SAMD8: variants seen among roughly 807,000 people sequenced by gnomAD.
SAMD8 encodes the protein sphingomyelin synthase-related protein 1.
SAMD8 carries 20 observed loss-of-function variants against 42.0 expected under a neutral mutation model. The observed-to-expected ratio is 0.48, with a 90% CI of 0.34 to 0.69. The LOEUF (loss-of-function observed/expected upper bound fraction) is 0.69. SAMD8 is among the 30% of genes least tolerant of loss of function. SAMD8 has a pLI of 0.01. For synonymous variants in SAMD8, 162 were observed against 173.0 expected (o/e 0.94, Z 0.50); for missense variants, 328 against 511.6 (o/e 0.64, Z 3.46).
intron 1 of SAMD8, among the ~76,000 whole-genome samples, chr10:75,122,823 C>T (rs12240430): frequency 0.014 from 2,106 of 152,032 alleles, 51 homozygotes; most frequent in African/African-American, 0.048. Flanking sequence ...TGGGTATTTG[C>T]GATAAAAATT....
chr10:75,114,186 AGAATT>A (rs1358598403), intron 1 of SAMD8, among the ~76,000 whole-genome samples: 1 of 152,092 alleles, frequency 6.6e-6, no homozygotes, highest in African/African-American at 2.4e-5. Context: ...TACTATAAAA[AGAATT>A]AATCAGGTGT....
chr10:75,159,298 TC>T (rs1405302539), intron 2 of SAMD8, among the ~76,000 whole-genome samples: 1 of 152,026 alleles, frequency 6.6e-6, no homozygotes, highest in Non-Finnish European at 1.5e-5. Context: ...CCTCAAGAGA[TC>T]CGCTCATCTC....
intron 2 of SAMD8, among the ~76,000 whole-genome samples, chr10:75,155,323 T>C (rs1447903984): frequency 1.3e-5 from 2 of 152,140 alleles, no homozygotes; most frequent in East Asian, 3.8e-4. Flanking sequence ...GTTTGAAATA[T>C]GTTTTGTAGC....
In SAMD8 at chr10:75,150,742, G is replaced by A; in HGVS notation, c.214G>A (p.Val72Ile). ...GGACATTAAAAGGTTAATGCTCTCAGTCCGAAAATTGCAGAAAATACATAT... is the reference window on the plus strand; with the variant it reads ...GGACATTAAAAGGTTAATGCTCTCAATCCGAAAATTGCAGAAAATACATAT... Reference protein sequence around the residue: ...LGDIKRLMLSVRKLQKIHIDV... With the variant: ...LGDIKRLMLSIRKLQKIHIDV... The change falls in exon 2 of 6, where the codon GTC becomes ATC. Residue 72 changes from valine (V) to isoleucine (I), a missense_variant. Physicochemically the swap from Val to Ile is conservative, Grantham distance 29. Coordinates refer to ENST00000542569, the MANE Select transcript of SAMD8 (RefSeq NM_001174156.2). The A allele has an allele frequency of 3.7e-6, 6 of 1,614,188 alleles. No homozygotes were observed. Among genetic ancestry groups the A allele is most frequent in the Non-Finnish European group, 5.1e-6 (6 of 1,180,032 alleles).
chr10:75,112,245 G>A (rs1171951436), intron 1 of SAMD8, among the ~76,000 whole-genome samples: 1 of 152,228 alleles, frequency 6.6e-6, no homozygotes, highest in Non-Finnish European at 1.5e-5. Context: ...GGTGGTGATG[G>A]AGGGCAGGAT....
chr10:75,130,061 T>A (rs1564679444), intron 1 of SAMD8, among the ~76,000 whole-genome samples: 1 of 152,246 alleles, frequency 6.6e-6, no homozygotes, highest in East Asian at 1.9e-4. Context: ...TGTGGTAATG[T>A]GTATTGTACT....
At chr10:75,155,350 G>T (rs897914443) in intron 2 of SAMD8, among the ~76,000 whole-genome samples, 1 of 151,970 alleles carries the variant, frequency 6.6e-6, no homozygotes, top group African/African-American at 2.4e-5. Context: ...AGATGTCAAG[G>T]AAGAGATGGA....
Position 75,176,226 on chromosome 10 carries a change from T to G in SAMD8, c.943+10T>G. The G allele has an allele frequency of 6.2e-7, 1 of 1,614,206 alleles. No individual in the cohort carries two copies. The highest frequency in any genetic ancestry group is 8.5e-7 in the Non-Finnish European group (1 of 1,180,012). On this transcript the variant is annotated intron_variant, in intron 5 of 5. Transcript: ENST00000542569. This position sits in a 1 kb window ranked among gnomAD's most constrained non-coding sequence, Gnocchi z 4.3. Reference sequence around the variant, plus strand: ...TTCTTTGTCACCGAATGTAAGTATCTTTTTAGTGCTTCTATGCGTATTAGG... The same window carrying G: ...TTCTTTGTCACCGAATGTAAGTATCGTTTTAGTGCTTCTATGCGTATTAGG...
At position 75,111,697 on chromosome 10, in the gene SAMD8, C is replaced by G. The variant is rs1030700482; in HGVS notation, c.-41C>G. On this transcript the variant is annotated 5_prime_UTR_variant, in exon 1 of 6. Transcript: ENST00000542569. ...TCGGACGCCGACTCGGAGGTGGGTC[C>G]GGGGAGCCCGACTCGGACCGCGGAG... 1 of 1,235,152 alleles carries G rather than the reference C, an allele frequency of 8.1e-7. No individual in the cohort carries two copies. The highest frequency in any genetic ancestry group is 1.0e-6 in the Non-Finnish European group (1 of 989,630). 76.5% of individuals were successfully genotyped at this position (1,235,152 alleles called of 1,614,324 possible).
intron 1 of SAMD8, chr10:75,101,906 G>A (rs1438092402): frequency 5.9e-6 from 8 of 1,367,510 alleles, no homozygotes; most frequent in Middle Eastern, 2.2e-4. Context: ...CTTCTCTGAC[G>A]GGCAGTTCGT....
At chr10:75,100,088 C>A (rs1021975773) in intron 1 of SAMD8, among the ~76,000 whole-genome samples, 2 of 152,108 alleles carry the variant, frequency 1.3e-5, no homozygotes, top group Non-Finnish European at 2.9e-5. Context: ...CGGGCTCAGG[C>A]CTGCGGAGCT....
chr10:75,109,818 T>TTTTTGTTTTGTTTTG (rs59615618), upstream of SAMD8, among the ~76,000 whole-genome samples: 34,903 of 150,032 alleles, frequency 0.23, 4,631 homozygotes, highest in East Asian at 0.56. Context: ...AAGGTGTTTT[T>TTTTTGTTTTGTTTTG]TTTTGTTTTG....
At chr10:75,103,861 G>A (rs745892514) in intron 1 of SAMD8, 2 of 1,282,528 alleles carry the variant, frequency 1.6e-6, no homozygotes, top group South Asian at 2.5e-5. Context: ...CAAGAAGCCT[G>A]AGGGCTTGGC....
intron 1 of SAMD8, chr10:75,105,555 G>T: frequency 8.8e-7 from 1 of 1,134,360 alleles, no homozygotes; most frequent in Non-Finnish European, 1.3e-6. Context: ...GCCACACACA[G>T]CCCTGCCAAC....
chr10:75,107,598 A>T (rs913947040), upstream of SAMD8, among the ~76,000 whole-genome samples: 1 of 148,274 alleles, frequency 6.7e-6, no homozygotes, highest in African/African-American at 2.5e-5. Context: ...GCGGGGGGGG[A>T]TGGAGTTTCG....
At chr10:75,153,969 G>A (rs1423059197) in intron 2 of SAMD8, among the ~76,000 whole-genome samples, 1 of 152,120 alleles carries the variant, frequency 6.6e-6, no homozygotes, top group Admixed American at 6.5e-5. Flanking sequence ...GTTTCACTGT[G>A]TTGGCTAGGC....
chr10:75,174,222 C>T (rs993130341), intron 4 of SAMD8, among the ~76,000 whole-genome samples: 4 of 152,038 alleles, frequency 2.6e-5, no homozygotes, highest in African/African-American at 4.8e-5. Flanking sequence ...CTCCACCTAC[C>T]GGGTTCACGC....
intron 1 of SAMD8, among the ~76,000 whole-genome samples, chr10:75,144,840 A>T (rs1219893652): frequency 6.6e-6 from 1 of 152,040 alleles, no homozygotes; most frequent in Non-Finnish European, 1.5e-5. Context: ...AAAATTATTT[A>T]TAGAGACGAG....
intron 1 of SAMD8, among the ~76,000 whole-genome samples, chr10:75,141,141 G>A (rs766607793): frequency 7.2e-5 from 11 of 152,082 alleles, no homozygotes; most frequent in Admixed American, 1.3e-4. Context: ...TCAGGAGTTC[G>A]AGATGGGTCT....
Sources: allele counts gnomAD v4.1 joint callset (sites outside exome capture counted in the v4.1 genomes callset), GRCh38; gene constraint gnomAD v4.1.1; non-coding constraint Gnocchi (gnomAD v3.1); transcripts MANE v1.5; gene names NCBI Gene and HGNC (gene_info 2026-07-23, HGNC 2026-07-21).